The following RBFOX1 variants were observed in gnomAD, a reference collection of about 807,000 sequenced individuals.
RBFOX1 encodes RNA binding protein fox-1 homolog 1.
A neutral mutation model predicts 57.7 loss-of-function variants in RBFOX1; 8 were observed. The observed-to-expected ratio is 0.14, with a 90% CI of 0.08 to 0.25. The LOEUF (loss-of-function observed/expected upper bound fraction) is 0.25, where lower values mean the gene tolerates loss of function less well. Among genes scored for constraint, RBFOX1 ranks in the 10% least tolerant of loss-of-function variants. The probability of loss-of-function intolerance (pLI) is 1.00; values close to 1 mark genes in which losing one functional copy is unlikely to be tolerated. For missense variants in RBFOX1, 611 were observed against 548.5 expected, an observed-to-expected ratio of 1.11 and a Z score of -1.14; for synonymous variants, 326 against 222.4, an observed-to-expected ratio of 1.47 and a Z score of -4.15.
At chr16:6,052,026 C>A (rs1000258467) in intron 1 of RBFOX1, among the ~76,000 whole-genome samples, 7 of 152,148 alleles carry the variant, frequency 4.6e-5, no homozygotes, top group Non-Finnish European at 7.3e-5. Flanking sequence ...GTCCAGTCCC[C>A]ATCATGCCAA....
chr16:6,806,836 A>ATTTT (rs1555488600), intron 3 of RBFOX1, among the ~76,000 whole-genome samples: 14 of 91,866 alleles, frequency 1.5e-4, no homozygotes, highest in East Asian at 3.1e-4. Context: ...ATATATATAT[A>ATTTT]TTTTTTTTTT....
chr16:5,565,627 C>CATAA (rs55680549), intron 2 of RBFOX1, among the ~76,000 whole-genome samples: 45,382 of 142,438 alleles, frequency 0.32, 7,642 homozygotes, highest in Admixed American at 0.4. Flanking sequence ...CTCTGCCTTA[C>CATAA]ATAAATAAAT....
At chr16:6,631,500 C>G (rs1001611775) in intron 2 of RBFOX1, among the ~76,000 whole-genome samples, 1 of 151,972 alleles carries the variant, frequency 6.6e-6, no homozygotes, top group Non-Finnish European at 1.5e-5. Context: ...AAAGTTACTC[C>G]ATTCGCTCCT....
chr16:7,418,772 G>T lies in RBFOX1; in HGVS notation c.28-99375G>T, dbSNP rs892113725. On this transcript the variant is annotated intron_variant, in intron 4 of 15. Transcript: ENST00000550418. ...TTTTCTCCTCTCTCTCACTGTGTCTGTGTCTCTATCTCTGTCTTTCTCTGT... is the reference window on the plus strand; with the variant it reads ...TTTTCTCCTCTCTCTCACTGTGTCTTTGTCTCTATCTCTGTCTTTCTCTGT... Among the ~76,000 whole-genome samples, 8 of 65,414 alleles carry T rather than the reference G, an allele frequency of 1.2e-4. No homozygotes were observed. The South Asian group carries it at 2.1e-3, about 17-fold the overall frequency. The allele number at this position is 65,414 out of a possible 152,430, so 42.9% of individuals were successfully genotyped here.
chr16:6,444,963 T>G (rs1360222607), intron 2 of RBFOX1, among the ~76,000 whole-genome samples: 1 of 151,158 alleles, frequency 6.6e-6, no homozygotes, highest in Non-Finnish European at 1.5e-5. Context: ...TGAGGGAGAG[T>G]AAAACTGATG....
chr16:5,956,175 G>A (rs546895839), intron 4 of RBFOX1, among the ~76,000 whole-genome samples: 1 of 152,062 alleles, frequency 6.6e-6, no homozygotes, highest in East Asian at 1.9e-4. Flanking sequence ...GCTCCAGAGG[G>A]TGAGGCACGA....
chr16:7,361,482 G>T (rs911576458), intron 4 of RBFOX1, among the ~76,000 whole-genome samples: 2 of 152,142 alleles, frequency 1.3e-5, no homozygotes, highest in African/African-American at 4.8e-5. Context: ...TCCCCTGCTT[G>T]ACACCCTCCT....
At chr16:6,502,939 T>A (rs1424500608) in intron 2 of RBFOX1, among the ~76,000 whole-genome samples, 1 of 152,206 alleles carries the variant, frequency 6.6e-6, no homozygotes. Context: ...AAGGATGAAG[T>A]AGGCCTTAAT....
In RBFOX1 at chr16:5,650,841, G is replaced by A. The variant is rs530047762; in HGVS notation, c.318+51880G>A. 1.6e-4 allele frequency among the ~76,000 whole-genome samples: 24 copies of A among 152,086 alleles called. No individual in the cohort carries two copies. In the East Asian group the frequency reaches 4.5e-3, roughly 28 times the overall value. ...TATGGAGGACGGGGCAGCAGGCGAC[G>A]GGTCATGAAGACAGGAACGAAGCCA... On this transcript the variant is annotated intron_variant, in intron 3 of 19. Coordinates refer to the RBFOX1 transcript ENST00000641259.
intron 2 of RBFOX1, among the ~76,000 whole-genome samples, chr16:6,503,092 A>G (rs1023958947): frequency 6.6e-6 from 1 of 152,222 alleles, no homozygotes; most frequent in Non-Finnish European, 1.5e-5. Flanking sequence ...TATTCTCAAC[A>G]GACCTAAGAA....
intron 4 of RBFOX1, among the ~76,000 whole-genome samples, chr16:7,316,354 T>C (rs1249057939): frequency 6.6e-6 from 1 of 152,234 alleles, no homozygotes; most frequent in African/African-American, 2.4e-5. Context: ...CATTGCATGA[T>C]CTGTTTACAG....
At chr16:6,743,716 C>T (rs908800600) in intron 3 of RBFOX1, among the ~76,000 whole-genome samples, 1 of 151,662 alleles carries the variant, frequency 6.6e-6, no homozygotes, top group Non-Finnish European at 1.5e-5. Flanking sequence ...GTATTCCAGC[C>T]TGCACTCCAC....
At chr16:7,214,487 A>G (rs544461249) in intron 4 of RBFOX1, among the ~76,000 whole-genome samples, 19 of 151,744 alleles carry the variant, frequency 1.3e-4, no homozygotes, top group African/African-American at 4.6e-4. Context: ...CACTGCCTCC[A>G]TCTCCATCAT....
chr16:5,353,528 T>A (rs533359338), intron 1 of RBFOX1, among the ~76,000 whole-genome samples: 16 of 152,264 alleles, frequency 1.1e-4, no homozygotes, highest in African/African-American at 3.6e-4. Flanking sequence ...GCAGGATGGA[T>A]TTATGTGAAT....
chr16:5,698,685 T>A (rs2050926216), intron 3 of RBFOX1, among the ~76,000 whole-genome samples: 1 of 152,162 alleles, frequency 6.6e-6, no homozygotes, highest in African/African-American at 2.4e-5. Context: ...GGCCAAAAGT[T>A]GGAAGCAACC....
chr16:5,345,313 A>G (rs1223306926), intron 1 of RBFOX1, among the ~76,000 whole-genome samples: 3 of 152,152 alleles, frequency 2.0e-5, no homozygotes, highest in African/African-American at 7.2e-5. Context: ...AACAGGTGCC[A>G]TGCCCTTACC....
chr16:7,220,541 A>G (rs1268549540), intron 4 of RBFOX1, among the ~76,000 whole-genome samples: 1 of 152,154 alleles, frequency 6.6e-6, no homozygotes, highest in Non-Finnish European at 1.5e-5. Flanking sequence ...CCCACTTTGG[A>G]TGTAACCCTG....
intron 14 of RBFOX1, 33 bp downstream of exon 14, chr16:7,676,871 C>A: frequency 1.3e-6 from 2 of 1,569,474 alleles, no homozygotes; most frequent in Non-Finnish European, 1.8e-6. Flanking sequence ...TTGACAACTA[C>A]TTGTAAATTA....
intron 4 of RBFOX1, among the ~76,000 whole-genome samples, chr16:7,078,749 C>A (rs540367247): frequency 6.8e-6 from 1 of 148,048 alleles, no homozygotes; most frequent in African/African-American, 2.5e-5. Flanking sequence ...ATGGCATGAT[C>A]TAGGCTCACT....
Sources: allele counts gnomAD v4.1 joint callset (sites outside exome capture counted in the v4.1 genomes callset), GRCh38; gene constraint gnomAD v4.1.1; transcripts MANE v1.5; gene names NCBI Gene and HGNC (gene_info 2026-07-23, HGNC 2026-07-21).